Variants in MARCHF8 observed in about 807,000 individuals in gnomAD.
MARCHF8 encodes the protein membrane associated ring-CH-type finger 8.
Under a neutral mutation model 51.6 loss-of-function variants are expected in MARCHF8, and 40 were observed. The observed-to-expected ratio is 0.77, with a 90% CI of 0.60 to 1.01. The LOEUF (loss-of-function observed/expected upper bound fraction) is 1.01. Among genes scored for constraint, MARCHF8 ranks in the 50% least tolerant of loss-of-function variants. The pLI is 0.00. For synonymous variants in MARCHF8, 263 were observed against 280.3 expected (o/e 0.94, Z 0.62); for missense variants, 685 against 708.6 (o/e 0.97, Z 0.38).
At chr10:45,569,095 A>T (rs1381205685) in intron 1 of MARCHF8, among the ~76,000 whole-genome samples, 3 of 152,100 alleles carry the variant, frequency 2.0e-5, no homozygotes, top group Non-Finnish European at 4.4e-5. Context: ...AATTGCAAAA[A>T]AAAACCACAT....
At chr10:45,569,811 G>A (rs2044408333) in intron 1 of MARCHF8, among the ~76,000 whole-genome samples, 1 of 152,062 alleles carries the variant, frequency 6.6e-6, no homozygotes, top group African/African-American at 2.4e-5. Context: ...TGTGTATCAA[G>A]GAGACTAAAT....
intron 2 of MARCHF8, 134 bp from the exon 3 acceptor site, chr10:45,489,551 C>G: frequency 5.7e-6 from 4 of 699,932 alleles, no homozygotes; most frequent in Non-Finnish European, 9.7e-6. Context: ...CTACTATATA[C>G]TAGATGTATG....
chr10:45,511,062 TATAAC>T (rs1050800404), intron 2 of MARCHF8, among the ~76,000 whole-genome samples: 58 of 152,348 alleles, frequency 3.8e-4, no homozygotes, highest in African/African-American at 1.3e-3. Context: ...AAAAGTTACA[TATAAC>T]ATATGATTAG....
chr10:45,528,470 G>C (rs866045115), intron 2 of MARCHF8, among the ~76,000 whole-genome samples: 3 of 150,822 alleles, frequency 2.0e-5, no homozygotes, highest in East Asian at 3.9e-4. Flanking sequence ...TTGTTTCTTT[G>C]TTTGTTTTTG....
At chr10:45,537,688 A>G (rs1438724820), upstream of MARCHF8, among the ~76,000 whole-genome samples, 1 of 151,882 alleles carries the variant, frequency 6.6e-6, no homozygotes, top group African/African-American at 2.4e-5. Flanking sequence ...AAATTATACT[A>G]AGAAGCCAGT....
At chr10:45,514,992 G>C (rs184706901) in intron 2 of MARCHF8, among the ~76,000 whole-genome samples, 2 of 152,242 alleles carry the variant, frequency 1.3e-5, no homozygotes, top group Admixed American at 1.3e-4. Flanking sequence ...ATCACAGGGT[G>C]GGGGAGGGGA....
At chr10:45,592,887 A>T (rs770250921) in intron 1 of MARCHF8, among the ~76,000 whole-genome samples, 1 of 152,222 alleles carries the variant, frequency 6.6e-6, no homozygotes, top group Non-Finnish European at 1.5e-5. Flanking sequence ...GCTCCCACGT[A>T]ATATTTATAG....
At chr10:45,486,951 A>G (rs576477075) in intron 3 of MARCHF8, among the ~76,000 whole-genome samples, 6 of 151,830 alleles carry the variant, frequency 4.0e-5, no homozygotes, top group Non-Finnish European at 8.8e-5. Context: ...CTGGGACTGC[A>G]GGTGTGCACC....
intron 2 of MARCHF8, among the ~76,000 whole-genome samples, chr10:45,492,983 A>C (rs2133101923): frequency 6.6e-6 from 1 of 152,360 alleles, no homozygotes; most frequent in East Asian, 1.9e-4. Flanking sequence ...GACATTCCAA[A>C]GTTTCAGATT....
chr10:45,520,310 A>C (rs1047197088), intron 2 of MARCHF8, among the ~76,000 whole-genome samples: 3 of 152,232 alleles, frequency 2.0e-5, no homozygotes, highest in African/African-American at 7.2e-5. Flanking sequence ...TATAAATACC[A>C]TATGTTGGCC....
rs1038962971 is a variant in MARCHF8 at position 45,513,627 on chromosome 10, T to C, written c.102+19483A>G. On this transcript the variant is annotated intron_variant, in intron 2 of 7. Coordinates refer to ENST00000453424, the MANE Select transcript of MARCHF8 (RefSeq NM_001282866.2). ...CTCTGGCTCTTTTCATCTTTGCTAT[T>C]TGCATGTCCCCACAGCTCAAGAACA... 2.6e-5 allele frequency among the ~76,000 whole-genome samples: 4 copies of C among 152,024 alleles called. No individual in the cohort carries two copies. The East Asian group carries it at 5.8e-4, about 22-fold the overall frequency.
At chr10:45,515,829 A>G (rs148850708) in intron 2 of MARCHF8, among the ~76,000 whole-genome samples, 150 of 152,348 alleles carry the variant, frequency 9.8e-4, no homozygotes, top group African/African-American at 1.9e-3. Flanking sequence ...TTCTGCAGGC[A>G]TGCTGCGGAG....
intron 1 of MARCHF8, among the ~76,000 whole-genome samples, chr10:45,568,957 C>T (rs912904926): frequency 2.7e-5 from 4 of 147,854 alleles, no homozygotes; most frequent in Admixed American, 6.9e-5. Context: ...CCGAGCTACT[C>T]GGGAGGCTGA....
At chr10:45,497,234 T>C (rs1196106876) in intron 2 of MARCHF8, among the ~76,000 whole-genome samples, 1 of 152,158 alleles carries the variant, frequency 6.6e-6, no homozygotes, top group African/African-American at 2.4e-5. Context: ...ACTTTTACTA[T>C]GATAAGGTCA....
At chr10:45,516,500 C>T (rs1028435508) in intron 2 of MARCHF8, among the ~76,000 whole-genome samples, 1 of 152,110 alleles carries the variant, frequency 6.6e-6, no homozygotes, top group African/African-American at 2.4e-5. Context: ...CGGTGGCTCA[C>T]GCCTGTTAAT....
At position 45,459,103 on chromosome 10, in the gene MARCHF8, C is replaced by G; in HGVS notation, c.1417+17G>C. 1.2e-6 allele frequency: 2 copies of G among 1,613,730 alleles called. No individual in the cohort carries two copies. Among genetic ancestry groups the G allele is most frequent in the Non-Finnish European group, 1.7e-6 (2 of 1,179,910 alleles). ...TCCCGGCCCCCATGCTGAGCTTGCT[C>G]CAGCCTGAGAACTCACCTGTTGCCT... On this transcript the variant is annotated intron_variant, in intron 7 of 7. Coordinates refer to ENST00000453424, the MANE Select transcript of MARCHF8 (RefSeq NM_001282866.2).
At chr10:45,498,435 T>A (rs2043214638) in intron 2 of MARCHF8, among the ~76,000 whole-genome samples, 1 of 152,188 alleles carries the variant, frequency 6.6e-6, no homozygotes, top group Non-Finnish European at 1.5e-5. Context: ...CTCACTTCAC[T>A]TGGCATAATG....
At chr10:45,459,357 C>T in intron 6 of MARCHF8, 90 bp from the exon 7 acceptor site, 1 of 1,391,038 alleles carries the variant, frequency 7.2e-7, no homozygotes, top group Non-Finnish European at 9.7e-7. Context: ...GATTGGCTTT[C>T]CACCCCACTT....
chr10:45,463,809 T>A lies in MARCHF8; in HGVS notation c.430A>T (p.Lys144Ter). ...AGTGTTCTTCTGGCTTTGGTATTCT[T>A]AGCAGGCTTCAAGGCCTGGGCCCAT... ...SEWAQALKPA[K>*]NTKARRTLKF... Residue 144 changes from lysine to a stop codon, truncating the protein, a stop_gained, in exon 5 of 8, where the codon AAG (lysine) becomes TAG (stop). Transcript: ENST00000453424. LOFTEE classifies it high-confidence loss of function. The A allele has an allele frequency of 1.9e-6, 3 of 1,549,352 alleles. No homozygotes were observed. The highest frequency in any genetic ancestry group is 2.6e-6 in the Non-Finnish European group (3 of 1,147,082).
Sources: allele counts gnomAD v4.1 joint callset (sites outside exome capture counted in the v4.1 genomes callset), GRCh38; gene constraint gnomAD v4.1.1; transcripts MANE v1.5; gene names NCBI Gene and HGNC (gene_info 2026-07-23, HGNC 2026-07-21).